The following CHERP variants were observed in gnomAD, a reference collection of about 807,000 sequenced individuals.
CHERP encodes ERPROT 213-21.
Under a neutral mutation model 113.8 loss-of-function variants are expected in CHERP, and 8 were observed. That is an observed-to-expected ratio of 0.07 (90% confidence interval 0.04 to 0.13). The LOEUF (loss-of-function observed/expected upper bound fraction) is 0.13. CHERP is among the 10% of genes least tolerant of loss of function. The pLI, the probability that CHERP is intolerant of heterozygous loss-of-function variation, is 1.00. For synonymous variants in CHERP, 559 were observed against 524.5 expected, an observed-to-expected ratio of 1.07 and a Z score of -0.90; for missense variants, 884 against 1,298.2, an observed-to-expected ratio of 0.68 and a Z score of 4.90.
Position 16,523,134 on chromosome 19 carries a change from TG to T in CHERP, c.1897del (p.His633ThrfsTer22). 6.5e-7 allele frequency: 1 copy of T among 1,550,076 alleles called. No homozygotes were observed. Among genetic ancestry groups the T allele is most frequent in the Non-Finnish European group, 8.7e-7 (1 of 1,150,814 alleles). Reference protein sequence around the residue: ...PPHMRRQGPPHINHDDPSLVP... With the variant: ...PPHMRRQGPPXINHDDPSLVP... ...CAGGCTGGGGTCATCGTGGTTGATGTGGGGTGGGCCCTGTCGCCGCATGTGT... is the reference window on the plus strand; with the variant it reads ...CAGGCTGGGGTCATCGTGGTTGATGTGGGTGGGCCCTGTCGCCGCATGTGT... On this transcript the variant is annotated frameshift_variant, in exon 11 of 17. Transcript: ENST00000546361. LOFTEE classifies it high-confidence loss of function. This position sits in a 1 kb window ranked among gnomAD's most constrained non-coding sequence, Gnocchi z 4.0.
intron 3 of CHERP, 54 bp from the exon 4 acceptor site, chr19:16,533,202 G>A: frequency 6.5e-7 from 1 of 1,537,664 alleles, no homozygotes. Context: ...CCCGCAGCCT[G>A]AGCCCTCCGG....
intron 2 of CHERP, among the ~76,000 whole-genome samples, chr19:16,540,293 C>G (rs1036973337): frequency 1.3e-5 from 2 of 151,930 alleles, no homozygotes; most frequent in African/African-American, 4.8e-5. Flanking sequence ...TCTCGAACTC[C>G]TGACCTCAAG....
In CHERP at chr19:16,530,987, C is replaced by A. The variant is rs142492134; in HGVS notation, c.675-107G>T. ...CAGCGCCCTCTGCCTTCTCGGGAAT[C>A]GGGTCCCCAACCCGGTCAGGGCGAT... On this transcript the variant is annotated intron_variant, in intron 5 of 16. Coordinates refer to ENST00000546361, the MANE Select transcript of CHERP (RefSeq NM_006387.6). The surrounding 1 kb of genome is among the most constrained non-coding windows in gnomAD (Gnocchi z 4.1). 8.0e-4 allele frequency: 1,206 copies of A among 1,498,278 alleles called. 17 individuals carry two copies. In the South Asian group the frequency reaches 0.014, roughly 18 times the overall value. The allele number at this position is 1,498,278 out of a possible 1,614,324, so 92.8% of individuals were successfully genotyped here. A position where few individuals can be genotyped will look rare whatever the true frequency, so the allele number is the denominator to read the frequency against.
At position 16,518,058 on chromosome 19, in the gene CHERP, A is replaced by G. The variant is rs1297060680; in HGVS notation, c.*1101T>C. Reference sequence around the variant, plus strand: ...CATCACGTTGGGTTGAAAAGTTGGAAGATTTTGCATCTTATTGAAAAGAAT... The same window carrying G: ...CATCACGTTGGGTTGAAAAGTTGGAGGATTTTGCATCTTATTGAAAAGAAT... On this transcript the variant is annotated 3_prime_UTR_variant, in exon 17 of 17. Coordinates refer to ENST00000546361, the MANE Select transcript of CHERP (RefSeq NM_006387.6). 6.6e-6 allele frequency: 1 copy of G among 152,194 alleles called. No individual in the cohort carries two copies. The highest frequency in any genetic ancestry group is 1.5e-5 in the Non-Finnish European group (1 of 68,038). 9.4% of individuals were successfully genotyped at this position (152,194 alleles called of 1,614,324 possible). A position where few individuals can be genotyped will look rare whatever the true frequency, so the allele number is the denominator to read the frequency against.
chr19:16,531,182 G>A lies in CHERP; in HGVS notation c.675-302C>T, dbSNP rs77891641. Reference sequence around the variant, plus strand: ...CTTCCCTCCTTCCCTCTTGGGTGGCGCTGCGGGTGAAGGGATATGGGCCGG... The same window carrying A: ...CTTCCCTCCTTCCCTCTTGGGTGGCACTGCGGGTGAAGGGATATGGGCCGG... On this transcript the variant is annotated intron_variant, in intron 5 of 16. Coordinates refer to ENST00000546361, the MANE Select transcript of CHERP (RefSeq NM_006387.6). 9.3e-4 allele frequency among the ~76,000 whole-genome samples: 141 copies of A among 152,340 alleles called. 3 individuals carry two copies. The East Asian group carries it at 0.026, about 28-fold the overall frequency.
intron 2 of CHERP, among the ~76,000 whole-genome samples, chr19:16,537,834 G>A (rs548960201): frequency 1.4e-4 from 21 of 152,264 alleles, no homozygotes; most frequent in African/African-American, 4.3e-4. Context: ...GGTGACAGAC[G>A]GTTATGGAAC....
At position 16,530,363 on chromosome 19, in the gene CHERP, C is replaced by T. The variant is rs896611995; in HGVS notation, c.876+222G>A. On this transcript the variant is annotated intron_variant, in intron 7 of 16. Transcript: ENST00000546361. The surrounding 1 kb of genome is among the most constrained non-coding windows in gnomAD (Gnocchi z 4.1). ...GCCATGTGCAATGACTCCGAAAGGCCGCCTGGTTCTAGTGTTCCAGGAAAG... is the reference window on the plus strand; with the variant it reads ...GCCATGTGCAATGACTCCGAAAGGCTGCCTGGTTCTAGTGTTCCAGGAAAG... Among the ~76,000 whole-genome samples, 18 of 152,148 alleles carry T rather than the reference C, an allele frequency of 1.2e-4. No individual in the cohort carries two copies. The highest frequency in any genetic ancestry group is 4.6e-4 in the Admixed American group (7 of 15,276).
Position 16,528,129 on chromosome 19 carries a change from G to A in CHERP, c.1256C>T (p.Pro419Leu). 1 of 1,613,788 alleles carries A rather than the reference G, an allele frequency of 6.2e-7. No individual in the cohort carries two copies. The highest frequency in any genetic ancestry group is 8.5e-7 in the Non-Finnish European group (1 of 1,179,966). The stretch of plus-strand genomic sequence containing the variant: ...GGGGTGAGGCTGGTCAAACCAAGGG[G>A]GCTTGTTTGGTGGGATCTGGTCGTG... ...GPHDQIPPNK[P>L]PWFDQPHPVA... Residue 419 changes from proline (P) to leucine (L), a missense_variant, in exon 9 of 17, where the codon CCC becomes CTC. Around this residue, in one of 8 missense-constraint regions of CHERP, gnomAD observed 464 missense variants for 590.1 expected, o/e 0.79. Transcript: ENST00000546361.
At chr19:16,528,446 A>G (rs1302788934) in intron 8 of CHERP, among the ~76,000 whole-genome samples, 191 bp from the exon 9 acceptor site, 1 of 152,172 alleles carries the variant, frequency 6.6e-6, no homozygotes, top group Non-Finnish European at 1.5e-5. Flanking sequence ...TCGACCTTGA[A>G]CATGACACAC....
chr19:16,538,144 G>A (rs2085753710), intron 2 of CHERP, among the ~76,000 whole-genome samples: 1 of 151,822 alleles, frequency 6.6e-6, no homozygotes, highest in African/African-American at 2.4e-5. Flanking sequence ...TCCTCTCCAA[G>A]CCAGGTCCCC....
chr19:16,520,177 G>A lies in CHERP; in HGVS notation c.2434C>T (p.Arg812Trp), dbSNP rs764135563. The stretch of plus-strand genomic sequence containing the variant: ...GGGGTGGGGCTCCTGGACCGTGACC[G>A]GCGTCTTCTTCCTGGGGAGTACGAC... The part of the protein sequence containing the change: ...SKSYSPGRRR[R>W]SRSRSPTPPS... The change falls in exon 15 of 17, where the codon CGG (arginine) becomes TGG (tryptophan). Residue 812 changes from arginine (R) to tryptophan (W), a missense_variant. Physicochemically the swap from Arg to Trp is moderately radical, Grantham distance 101. Coordinates refer to ENST00000546361, the MANE Select transcript of CHERP (RefSeq NM_006387.6). This position sits in a 1 kb window ranked among gnomAD's most constrained non-coding sequence, Gnocchi z 4.0. 14 of 1,612,792 alleles carry A rather than the reference G, an allele frequency of 8.7e-6. No individual in the cohort carries two copies. Among genetic ancestry groups the A allele is most frequent in the Admixed American group, 1.7e-5 (1 of 60,010 alleles).
chr19:16,539,329 A>G (rs1219763856), intron 2 of CHERP, among the ~76,000 whole-genome samples: 1 of 151,630 alleles, frequency 6.6e-6, no homozygotes, highest in Non-Finnish European at 1.5e-5. Flanking sequence ...TTGTATTTTT[A>G]GTAGAGACGG....
intron 2 of CHERP, among the ~76,000 whole-genome samples, chr19:16,540,516 G>A (rs1234899298): frequency 2.0e-5 from 3 of 151,822 alleles, no homozygotes; most frequent in African/African-American, 7.3e-5. Flanking sequence ...GGGACTACAG[G>A]TGTGTGCCAC....
rs562467739 is a variant in CHERP, at chr19:16,520,055, AAC to A, written c.2462+92_2462+93del. 2.1e-4 allele frequency: 278 copies of A among 1,347,694 alleles called. No homozygotes were observed. Among genetic ancestry groups the A allele is most frequent in the South Asian group, 7.4e-4 (59 of 79,702 alleles). 83.5% of individuals were successfully genotyped at this position (1,347,694 alleles called of 1,614,324 possible). The stretch of plus-strand genomic sequence containing the variant: ...CCCGGGCTAATGCTGGCGGCCTCCT[AAC>A]ACAGTCTCCTAACCACCAATGTTTC... On this transcript the variant is annotated intron_variant, in intron 15 of 16. Coordinates refer to ENST00000546361, the MANE Select transcript of CHERP (RefSeq NM_006387.6). The surrounding 1 kb of genome is among the most constrained non-coding windows in gnomAD (Gnocchi z 4.0).
chr19:16,523,086 T>C lies in CHERP; in HGVS notation c.1946A>G (p.Asp649Gly). ...GGGGGCCATCAGCCCAGCAGGGAGA[T>C]CGAAGTAGGGCACATTGGGGACCAG... is the stretch of plus-strand genomic sequence containing the variant. Reference protein sequence around the residue: ...PSLVPNVPYFDLPAGLMAPLV... With the variant: ...PSLVPNVPYFGLPAGLMAPLV... The change falls in exon 11 of 17, where the codon GAT (aspartate) becomes GGT (glycine). Residue 649 changes from aspartate to glycine, a missense_variant. Coordinates refer to ENST00000546361, the MANE Select transcript of CHERP (RefSeq NM_006387.6). The surrounding 1 kb of genome is among the most constrained non-coding windows in gnomAD (Gnocchi z 4.0). 1 of 1,527,462 alleles carries C rather than the reference T, an allele frequency of 6.5e-7. No individual in the cohort carries two copies. Among genetic ancestry groups the C allele is most frequent in the African/African-American group, 1.4e-5 (1 of 70,192 alleles). The allele number at this position is 1,527,462 out of a possible 1,614,324, so 94.6% of individuals were successfully genotyped here.
In CHERP at chr19:16,518,260, G is replaced by A. The variant is rs2085565416; in HGVS notation, c.*899C>T. On this transcript the variant is annotated 3_prime_UTR_variant, in exon 17 of 17. Coordinates refer to ENST00000546361, the MANE Select transcript of CHERP (RefSeq NM_006387.6). The stretch of plus-strand genomic sequence containing the variant: ...GATGGAGTGGAAGGCGCTGGCTGGG[G>A]TCGGGCTCCATGCTCTGGATGGGAC... The A allele has an allele frequency of 6.6e-6, 1 of 152,080 alleles. No individual in the cohort carries two copies. Among genetic ancestry groups the A allele is most frequent in the African/African-American group, 2.4e-5 (1 of 41,454 alleles). The allele number at this position is 152,080 out of a possible 1,614,324, so 9.4% of individuals were successfully genotyped here.
In CHERP at chr19:16,529,921, C is replaced by T. The variant is rs770142326; in HGVS notation, c.877-21G>A. On this transcript the variant is annotated intron_variant, in intron 7 of 16. Transcript: ENST00000546361. The stretch of plus-strand genomic sequence containing the variant: ...GTGGCCTGAGAGAGAGAAGAGCACC[C>T]GCTGCTCAGTATGCGGCCTTGGGGC... 112 of 1,607,924 alleles carry T rather than the reference C, an allele frequency of 7.0e-5. 1 individual carries two copies. Among genetic ancestry groups the T allele is most frequent in the South Asian group, 9.9e-5 (9 of 90,696 alleles).
chr19:16,539,382 C>T (rs1049354366), intron 2 of CHERP, among the ~76,000 whole-genome samples: 6 of 151,860 alleles, frequency 4.0e-5, no homozygotes, highest in Non-Finnish European at 5.9e-5. Context: ...CTCCTGACCT[C>T]GTGATCCGCC....
In CHERP at chr19:16,523,399, G is replaced by C; in HGVS notation, c.1742-109C>G. 7.6e-7 allele frequency: 1 copy of C among 1,312,264 alleles called. No homozygotes were observed. Among genetic ancestry groups the C allele is most frequent in the South Asian group, 1.3e-5 (1 of 77,816 alleles). The allele number at this position is 1,312,264 out of a possible 1,614,324, so 81.3% of individuals were successfully genotyped here. On this transcript the variant is annotated intron_variant, in intron 10 of 16. Transcript: ENST00000546361. This position sits in a 1 kb window ranked among gnomAD's most constrained non-coding sequence, Gnocchi z 4.0. The stretch of plus-strand genomic sequence containing the variant: ...AGGGCCAGGAGACGAACCCCTCCTG[G>C]GAGCCTGTCCAGCATCTTCTCTCAC...
Sources: allele counts gnomAD v4.1 joint callset (sites outside exome capture counted in the v4.1 genomes callset), GRCh38; gene constraint gnomAD v4.1.1; regional missense constraint gnomAD v4.1.1; non-coding constraint Gnocchi (gnomAD v3.1); transcripts MANE v1.5; gene names NCBI Gene and HGNC (gene_info 2026-07-23, HGNC 2026-07-21).